The following TRPV4 variants were observed in gnomAD, a reference collection of about 807,000 sequenced individuals.
TRPV4 encodes OSM9-like transient receptor potential channel 4.
TRPV4 carries 58 observed loss-of-function variants against 84.1 expected under a neutral mutation model. The ratio of observed to expected loss-of-function variants is 0.69; its 90% confidence interval spans 0.56 to 0.86. The LOEUF (loss-of-function observed/expected upper bound fraction) is 0.86. TRPV4 is among the 40% of genes least tolerant of loss of function. The pLI, the probability that TRPV4 is intolerant of heterozygous loss-of-function variation, is 0.00. For missense variants in TRPV4, 879 were observed against 1,181.1 expected (o/e 0.74, Z 3.75); for synonymous variants, 489 against 500.9 (o/e 0.98, Z 0.32).
At position 109,783,129 on chromosome 12, in the gene TRPV4, C is replaced by T. The variant is rs1165857157; in HGVS notation, c.*492G>A. The T allele has an allele frequency of 6.4e-6, 1 of 157,104 alleles. No homozygotes were observed. The highest frequency in any genetic ancestry group is 6.4e-5 in the Admixed American group (1 of 15,670). The allele number at this position is 157,104 out of a possible 1,614,324, so 9.7% of individuals were successfully genotyped here. A position where few individuals can be genotyped will look rare whatever the true frequency, so the allele number is the denominator to read the frequency against. ...AACATTTATTGAGCACCGGCAAATC[C>T]CAGACACTACAGAACACACAGAAGG... On this transcript the variant is annotated 3_prime_UTR_variant, in exon 16 of 16. Transcript: ENST00000261740. The surrounding 1 kb of genome is among the most constrained non-coding windows in gnomAD (Gnocchi z 4.6).
chr12:109,784,838 C>G (rs576671246), intron 14 of TRPV4, among the ~76,000 whole-genome samples: 2 of 61,328 alleles, frequency 3.3e-5, no homozygotes, highest in South Asian at 2.5e-3. Context: ...AAGACTCCAT[C>G]TCAAAAAAAA....
At chr12:109,831,461 G>A (rs771920350) in intron 1 of TRPV4, among the ~76,000 whole-genome samples, 5 of 152,228 alleles carry the variant, frequency 3.3e-5, no homozygotes, top group Non-Finnish European at 7.3e-5. Flanking sequence ...CCTCCCCGGG[G>A]GGCCACAAGG....
chr12:109,804,359 C>A (rs982800094), intron 3 of TRPV4, among the ~76,000 whole-genome samples: 1 of 152,130 alleles, frequency 6.6e-6, no homozygotes, highest in African/African-American at 2.4e-5. Flanking sequence ...GGTGTGGGTT[C>A]AGGTGCCCGT....
Position 109,784,446 on chromosome 12 carries a change from G to A in TRPV4, c.2337-9C>T, listed in dbSNP as rs564929031. 5 of 1,613,964 alleles carry A rather than the reference G, an allele frequency of 3.1e-6. No homozygotes were observed. Among genetic ancestry groups the A allele is most frequent in the Non-Finnish European group, 4.2e-6 (5 of 1,180,020 alleles). ...AGTTCACCTCATCCACCCTGGCAGG[G>A]CCCAAGCAGAGGGTCATGGGGAACC... On this transcript the variant is annotated splice_polypyrimidine_tract_variant and intron_variant, in intron 14 of 15. Transcript: ENST00000261740.
At chr12:109,817,224 C>CA (rs370654782) in intron 1 of TRPV4, among the ~76,000 whole-genome samples, 92 of 152,260 alleles carry the variant, frequency 6.0e-4, no homozygotes, top group African/African-American at 2.0e-3. Flanking sequence ...TGCAGGGGCA[C>CA]AGGCATTGGC....
chr12:109,794,535 G>T (rs1403798809), intron 7 of TRPV4, 48 bp from the exon 8 acceptor site: 20 of 1,608,630 alleles, frequency 1.2e-5, no homozygotes, highest in African/African-American at 2.7e-5. Context: ...GATGGGTGGG[G>T]GGTCCAGGCA....
Position 109,794,341 on chromosome 12 carries a change from C to A in TRPV4, c.1479G>T (p.Pro493=), listed in dbSNP as rs1337838267. The A allele has an allele frequency of 1.2e-6, 2 of 1,612,170 alleles. No individual in the cohort carries two copies. The highest frequency in any genetic ancestry group is 1.7e-6 in the Non-Finnish European group (2 of 1,180,024). ...VIFTLTAYYQ[P]LEGTPPYPYR... ...CCCGGGCACTCACTGTGCCCTCCAG[C>A]GGCTGGTAGTAGGCGGTGAGAGTGA... The change falls in exon 8 of 16, where the codon CCG becomes CCT. Residue 493 remains proline, a synonymous_variant. Transcript: ENST00000261740.
At chr12:109,820,556 C>T (rs1198451381) in intron 1 of TRPV4, among the ~76,000 whole-genome samples, 1 of 128,896 alleles carries the variant, frequency 7.8e-6, no homozygotes, top group African/African-American at 3.0e-5. Flanking sequence ...CGGAGTCTCC[C>T]TCTGTCGCCT....
At position 109,798,795 on chromosome 12, in the gene TRPV4, A is replaced by C; in HGVS notation, c.971T>G (p.Val324Gly). The change falls in exon 6 of 16, where the codon GTG becomes GGG. Residue 324 changes from valine (V) to glycine (G), a missense_variant. Val to Gly is a moderately radical substitution (Grantham distance 109). Around this residue, in one of 4 missense-constraint regions of TRPV4, gnomAD observed 521 missense variants for 686.6 expected, o/e 0.76. Coordinates refer to ENST00000261740, the MANE Select transcript of TRPV4 (RefSeq NM_021625.5). This position sits in a 1 kb window ranked among gnomAD's most constrained non-coding sequence, Gnocchi z 5.0. ...AGCAATGGCCACCAGCGCATGCAGC[A>C]CTGTGTTGCCTCGCGAGTCCTGGCG... is the stretch of plus-strand genomic sequence containing the variant. Reference protein sequence around the residue: ...MRRQDSRGNTVLHALVAIADN... With the variant: ...MRRQDSRGNTGLHALVAIADN... The C allele has an allele frequency of 6.2e-7, 1 of 1,614,188 alleles. No homozygotes were observed. The highest frequency in any genetic ancestry group is 8.5e-7 in the Non-Finnish European group (1 of 1,180,044).
intron 1 of TRPV4, among the ~76,000 whole-genome samples, chr12:109,827,847 CAT>C (rs1159942043): frequency 2.6e-5 from 4 of 151,540 alleles, no homozygotes; most frequent in Non-Finnish European, 4.4e-5. Flanking sequence ...TACACATACA[CAT>C]ATAGACATAC....
intron 1 of TRPV4, among the ~76,000 whole-genome samples, chr12:109,822,034 G>T (rs1330286488): frequency 6.6e-6 from 1 of 152,140 alleles, no homozygotes; most frequent in Non-Finnish European, 1.5e-5. Flanking sequence ...AGGGCAGCCA[G>T]AATCCTGATG....
intron 14 of TRPV4, among the ~76,000 whole-genome samples, chr12:109,785,837 A>C (rs1889652039): frequency 6.6e-6 from 1 of 151,864 alleles, no homozygotes; most frequent in Non-Finnish European, 1.5e-5. Flanking sequence ...GTTTGAGACC[A>C]GCCTGGGCAA....
chr12:109,799,191 C>T (rs1196412602), intron 5 of TRPV4, among the ~76,000 whole-genome samples: 6 of 149,258 alleles, frequency 4.0e-5, no homozygotes, highest in South Asian at 2.1e-4. Flanking sequence ...CTCACTCTGT[C>T]GCCTAGGCTG....
intron 1 of TRPV4, among the ~76,000 whole-genome samples, chr12:109,816,990 A>C (rs907252940): frequency 2.0e-5 from 3 of 151,966 alleles, no homozygotes; most frequent in Non-Finnish European, 1.5e-5. Context: ...TGGTTTTCCC[A>C]CCTGTAAGAC....
chr12:109,802,130 C>CTTTTTT (rs35214010), intron 4 of TRPV4, among the ~76,000 whole-genome samples: 1 of 134,322 alleles, frequency 7.4e-6, no homozygotes, highest in East Asian at 2.2e-4. Context: ...ATCTTGGAAT[C>CTTTTTT]TTTTTTTTTT....
At chr12:109,785,936 C>A (rs1413881087) in intron 14 of TRPV4, among the ~76,000 whole-genome samples, 2 of 152,052 alleles carry the variant, frequency 1.3e-5, no homozygotes, top group East Asian at 3.9e-4. Flanking sequence ...TCGCTTGAGA[C>A]CAGGAGTTGG....
In TRPV4 at chr12:109,794,479, G is replaced by A. The variant is rs57316123; in HGVS notation, c.1341C>T (p.His447=). The change falls in exon 8 of 16, where the codon CAC becomes CAT. Residue 447 remains histidine, a synonymous_variant. Coordinates refer to ENST00000261740, the MANE Select transcript of TRPV4 (RefSeq NM_021625.5). The part of the protein sequence containing the change: ...LVYNSKIENR[H]EMLAVEPINE... Reference sequence around the variant, plus strand: ...TGATGGGCTCCACAGCCAGCATCTCGTGGCGGTTCTAAGAGAGGCAGGGTG... The same window carrying A: ...TGATGGGCTCCACAGCCAGCATCTCATGGCGGTTCTAAGAGAGGCAGGGTG... 1.2e-3 allele frequency: 1,921 copies of A among 1,613,832 alleles called. 12 individuals carry two copies. The African/African-American group carries it at 0.022, about 19-fold the overall frequency.
At position 109,786,774 on chromosome 12, in the gene TRPV4, A is replaced by T; in HGVS notation, c.2272T>A (p.Ser758Thr). The T allele has an allele frequency of 6.2e-7, 1 of 1,613,942 alleles. No individual in the cohort carries two copies. The highest frequency in any genetic ancestry group is 8.5e-7 in the Non-Finnish European group (1 of 1,179,994). ...FPVFLRKAFR[S>T]GEMVTVGKSS... is the part of the protein sequence containing the mutation. ...TTGCCCACGGTGACCATCTCCCCAG[A>T]GCGGAAGGCCTTCCTCAGGAATACG... is the stretch of plus-strand genomic sequence containing the variant. Residue 758 changes from serine (S) to threonine (T), a missense_variant, in exon 14 of 16, where the codon TCT becomes ACT. Ser to Thr is a moderately conservative substitution (Grantham distance 58). This residue lies in a region of TRPV4 where 242 missense variants were observed against 355.3 expected (regional missense o/e 0.68). Transcript: ENST00000261740. The surrounding 1 kb of genome is among the most constrained non-coding windows in gnomAD (Gnocchi z 4.5).
At chr12:109,813,383 G>C (rs765929600) in intron 2 of TRPV4, among the ~76,000 whole-genome samples, 1 of 152,040 alleles carries the variant, frequency 6.6e-6, no homozygotes, top group African/African-American at 2.4e-5. Flanking sequence ...TTGCACTCCA[G>C]CCTGGGCAAC....
Sources: gnomAD v4.1 joint callset for allele counts (sites outside exome capture counted in the v4.1 genomes callset) on GRCh38, gnomAD v4.1.1 for gene constraint, gnomAD v4.1.1 regional missense constraint, Gnocchi (gnomAD v3.1) non-coding constraint, MANE v1.5 for transcripts, NCBI Gene and HGNC (gene_info 2026-07-23, HGNC 2026-07-21) for gene names.